Variants in FNBP4 observed in about 807,000 individuals in gnomAD.
FNBP4 encodes the protein formin binding protein 4, also known as formin-binding protein 4.
Under a neutral mutation model 119.3 loss-of-function variants are expected in FNBP4, and 34 were observed. The observed-to-expected ratio is 0.28, with a 90% CI of 0.22 to 0.38. The LOEUF (loss-of-function observed/expected upper bound fraction) is 0.38, where lower values mean the gene tolerates loss of function less well. Ranked by LOEUF, FNBP4 falls within the 10% of genes least tolerant of loss-of-function variation. The pLI is 1.00. For missense variants in FNBP4, 1,112 were observed against 1,228.9 expected (o/e 0.90, Z 1.42); for synonymous variants, 462 against 430.6 (o/e 1.07, Z -0.90).
intron 8 of FNBP4, among the ~76,000 whole-genome samples, chr11:47,737,524 C>G (rs554137196): frequency 6.6e-6 from 1 of 151,202 alleles, no homozygotes; most frequent in African/African-American, 2.4e-5. Context: ...ACTGCAGCCT[C>G]AACCTCCTAG....
intron 2 of FNBP4, among the ~76,000 whole-genome samples, chr11:47,756,005 G>A (rs1405188821): frequency 6.6e-6 from 1 of 152,114 alleles, no homozygotes; most frequent in Non-Finnish European, 1.5e-5. Context: ...AAGAAATAAA[G>A]ACTTTCAAAG....
chr11:47,751,631 A>T (rs567047903), intron 4 of FNBP4, among the ~76,000 whole-genome samples: 1 of 152,288 alleles, frequency 6.6e-6, no homozygotes, highest in South Asian at 2.1e-4. Flanking sequence ...TCTAACATTT[A>T]GAGTCACCTT....
intron 6 of FNBP4, 99 bp downstream of exon 6, chr11:47,750,816 TG>T: frequency 8.1e-7 from 1 of 1,238,806 alleles, no homozygotes; most frequent in Non-Finnish European, 1.1e-6. Context: ...CTATTTCACA[TG>T]TATGACATAA....
intron 3 of FNBP4, among the ~76,000 whole-genome samples, chr11:47,753,822 C>T (rs1054326785): frequency 2.6e-5 from 4 of 151,988 alleles, no homozygotes; most frequent in Admixed American, 6.6e-5. Context: ...TCTAGATACT[C>T]ATTCTAAGCT....
intron 7 of FNBP4, 75 bp downstream of exon 7, chr11:47,745,981 G>C: frequency 7.9e-7 from 1 of 1,258,018 alleles, no homozygotes; most frequent in South Asian, 1.5e-5. Context: ...AATAATGGTT[G>C]TAAGTCAAGC....
chr11:47,765,323 T>C lies in FNBP4; in HGVS notation c.260A>G (p.Gln87Arg), dbSNP rs764225673. The C allele has an allele frequency of 1.2e-6, 2 of 1,611,436 alleles. No homozygotes were observed. ...EAVQEVPRVV[Q>R]NPPKPVMTTR... The stretch of plus-strand genomic sequence containing the variant: ...GGTCATGACTGGTTTTGGAGGATTC[T>C]GAACAACTCTAGGAACCTCCTGCAC... Residue 87 changes from glutamine (Q) to arginine (R), a missense_variant, in exon 2 of 17, where the codon CAG (glutamine) becomes CGG (arginine). Gln to Arg is a conservative substitution (Grantham distance 43). This residue lies in a region of FNBP4 where 286 missense variants were observed against 240.1 expected (regional missense o/e 1.19). Transcript: ENST00000263773.
chr11:47,752,842 A>C (rs150478602), intron 4 of FNBP4, 74 bp downstream of exon 4: 1 of 1,190,980 alleles, frequency 8.4e-7, no homozygotes, highest in South Asian at 1.6e-5. Flanking sequence ...AACAAACAAA[A>C]AACCAGAAAA....
intron 1 of FNBP4, among the ~76,000 whole-genome samples, chr11:47,765,851 C>CTTTTTTTTTTTTTTTTT (rs1167976570): frequency 1.2e-5 from 1 of 82,170 alleles, no homozygotes; most frequent in East Asian, 4.5e-4. Context: ...GAGCTGGAAT[C>CTTTTTTTTTTTTTTTTT]TTTTTTTTTT....
rs1380094433 is a variant in FNBP4 at position 47,723,157 on chromosome 11, G to A, written c.2624C>T (p.Ala875Val). Residue 875 changes from alanine to valine, a missense_variant, in exon 15 of 17, where the codon GCA becomes GTA. Coordinates refer to ENST00000263773, the MANE Select transcript of FNBP4 (RefSeq NM_015308.5). ...LAAAPAIMSY[A>V]ECSVPIGVTA... is the part of the protein sequence containing the mutation. ...CACTCCAATTGGGACAGAACATTCT[G>A]CATAACTCATAATTGCAGGTGCTGC... 3 of 1,613,914 alleles carry A rather than the reference G, an allele frequency of 1.9e-6. No individual in the cohort carries two copies. The highest frequency in any genetic ancestry group is 2.5e-6 in the Non-Finnish European group (3 of 1,180,014).
intron 1 of FNBP4, 59 bp from the exon 2 acceptor site, chr11:47,765,421 G>GAA: frequency 1.7e-6 from 1 of 574,744 alleles, no homozygotes; most frequent in Non-Finnish European, 2.7e-6. Context: ...AAAGAAAACT[G>GAA]CAGTCAGATT....
chr11:47,749,768 G>A (rs1179583648), intron 6 of FNBP4, among the ~76,000 whole-genome samples: 1 of 152,018 alleles, frequency 6.6e-6, no homozygotes, highest in East Asian at 1.9e-4. Context: ...ATGATCAAAG[G>A]AAATGCTCAC....
intron 16 of FNBP4, 112 bp from the exon 17 acceptor site, chr11:47,717,624 T>A (rs1020735449): frequency 2.7e-5 from 21 of 767,860 alleles, no homozygotes; most frequent in Non-Finnish European, 4.3e-5. Flanking sequence ...ATCACGTCTA[T>A]GTTTATGAAA....
chr11:47,725,064 A>G (rs2097559567), intron 12 of FNBP4: 1 of 271,588 alleles, frequency 3.7e-6, no homozygotes, highest in Non-Finnish European at 6.9e-6. Flanking sequence ...CACCTTCCCC[A>G]TCTGTATTAT....
chr11:47,766,107 C>G (rs956743657), intron 1 of FNBP4, among the ~76,000 whole-genome samples: 1 of 152,004 alleles, frequency 6.6e-6, no homozygotes, highest in African/African-American at 2.4e-5. Context: ...CGCTTGAGCC[C>G]TGGAGTTCGA....
At position 47,731,375 on chromosome 11, in the gene FNBP4, T is replaced by A. The variant is rs1336298823; in HGVS notation, c.2007A>T (p.Thr669=). The change falls in exon 12 of 17, where the codon ACA becomes ACT. Residue 669 remains threonine, a splice_region_variant and synonymous_variant. Transcript: ENST00000263773. ...TTAGTACAAGGTAAATTGTCTCACC[T>A]GTGGAAGTTTCAGAGGATTCTGTTG... ...SNSTESSETS[T]GSLCKESFSG... 1 of 1,609,210 alleles carries A rather than the reference T, an allele frequency of 6.2e-7. No individual in the cohort carries two copies. Among genetic ancestry groups the A allele is most frequent in the Admixed American group, 1.7e-5 (1 of 58,800 alleles).
In FNBP4 at chr11:47,732,507, G is replaced by A. The variant is rs1224120871; in HGVS notation, c.1820+30C>T. On this transcript the variant is annotated intron_variant, in intron 11 of 16. Transcript: ENST00000263773. This position sits in a 1 kb window ranked among gnomAD's most constrained non-coding sequence, Gnocchi z 4.2. ...AAATCATGTCTGAGATGTCAAAGGTGAAAGGTGAAAAGGGGAGAAGAGTGC... is the reference window on the plus strand; with the variant it reads ...AAATCATGTCTGAGATGTCAAAGGTAAAAGGTGAAAAGGGGAGAAGAGTGC... 1.2e-6 allele frequency: 2 copies of A among 1,613,420 alleles called. No homozygotes were observed. The highest frequency in any genetic ancestry group is 1.7e-6 in the Non-Finnish European group (2 of 1,179,644).
chr11:47,729,963 T>A, intron 12 of FNBP4: 1 of 985,448 alleles, frequency 1.0e-6, no homozygotes, highest in Non-Finnish European at 1.2e-6. Flanking sequence ...ACTAGTTCTG[T>A]TTTAATTAAA....
intron 12 of FNBP4, 157 bp downstream of exon 12, chr11:47,731,217 A>T: frequency 3.1e-6 from 2 of 638,464 alleles, no homozygotes; most frequent in Non-Finnish European, 5.0e-6. Context: ...CTGATTTCCA[A>T]CCATAATAAC....
chr11:47,759,101 G>A (rs747165155), intron 2 of FNBP4, among the ~76,000 whole-genome samples: 4 of 151,926 alleles, frequency 2.6e-5, no homozygotes, highest in Non-Finnish European at 5.9e-5. Context: ...CGTACTTTTA[G>A]TAGAGACGGG....
Sources: allele counts gnomAD v4.1 joint callset (sites outside exome capture counted in the v4.1 genomes callset), GRCh38; gene constraint gnomAD v4.1.1; regional missense constraint gnomAD v4.1.1; non-coding constraint Gnocchi (gnomAD v3.1); transcripts MANE v1.5; gene names NCBI Gene and HGNC (gene_info 2026-07-23, HGNC 2026-07-21).